BAHCC1: variants seen among roughly 807,000 people sequenced by gnomAD.
BAHCC1 encodes BAH domain and coiled-coil containing 1.
BAHCC1 carries 43 observed loss-of-function variants against 88.2 expected under a neutral mutation model. The observed-to-expected ratio is 0.49, with a 90% CI of 0.38 to 0.63. The LOEUF (loss-of-function observed/expected upper bound fraction) is 0.63. BAHCC1 is among the 20% of genes least tolerant of loss of function. BAHCC1 has a pLI of 0.00. For missense variants in BAHCC1, 3,023 were observed against 1,654.8 expected (o/e 1.83, Z -14.34); for synonymous variants, 1,510 against 745.5 (o/e 2.03, Z -16.71).
Position 81,445,032 on chromosome 17 carries a change from G to A in BAHCC1, c.2689G>A (p.Ala897Thr), listed in dbSNP as rs1032176005. The A allele has an allele frequency of 3.9e-6, 3 of 764,298 alleles. No homozygotes were observed. Among genetic ancestry groups the A allele is most frequent in the Non-Finnish European group, 7.3e-6 (3 of 412,854 alleles). The allele number at this position is 764,298 out of a possible 1,614,324, so 47.3% of individuals were successfully genotyped here. A position where few individuals can be genotyped will look rare whatever the true frequency, so the allele number is the denominator to read the frequency against. Reference sequence around the variant, plus strand: ...GCCCACAGCGGATGTCATGGACCAGGCGTCACTGTGGCCCCCCATGTACGG... The same window carrying A: ...GCCCACAGCGGATGTCATGGACCAGACGTCACTGTGGCCCCCCATGTACGG... ...PHALADVMDQ[A>T]SLWPPMYGGR... The change falls in exon 9 of 28, where the codon GCG becomes ACG. Residue 897 changes from alanine to threonine, a missense_variant. Coordinates refer to ENST00000675386, the MANE Select transcript of BAHCC1 (RefSeq NM_001377448.1).
At chr17:81,416,763 T>C (rs2064036996) in intron 2 of BAHCC1, among the ~76,000 whole-genome samples, 2 of 152,204 alleles carry the variant, frequency 1.3e-5, no homozygotes, top group African/African-American at 4.8e-5. Context: ...ATGGAGCCTG[T>C]GTCATTGACG....
intron 11 of BAHCC1, chr17:81,451,321 C>A (rs1487841496): frequency 4.0e-6 from 1 of 252,522 alleles, no homozygotes; most frequent in African/African-American, 2.3e-5. Flanking sequence ...CGAAGCAGGG[C>A]CCCCCCGGTG....
At chr17:81,440,928 G>C (rs1456409306) in intron 4 of BAHCC1, among the ~76,000 whole-genome samples, 1 of 152,220 alleles carries the variant, frequency 6.6e-6, no homozygotes, top group Admixed American at 6.5e-5. Context: ...CTTCCTCCGC[G>C]ACCCACCCGT....
chr17:81,442,454 C>T lies in BAHCC1; in HGVS notation c.1105C>T (p.Leu369=), dbSNP rs771421948. 2 of 714,214 alleles carry T rather than the reference C, an allele frequency of 2.8e-6. No homozygotes were observed. Among genetic ancestry groups the T allele is most frequent in the Non-Finnish European group, 5.2e-6 (2 of 385,286 alleles). 44.2% of individuals were successfully genotyped at this position (714,214 alleles called of 1,614,324 possible). The change falls in exon 5 of 28, where the codon CTG becomes TTG. Residue 369 remains leucine (L), a synonymous_variant. Transcript: ENST00000675386. ...CGCCGGCTCCTTCCCCTGCCTGCAG[C>T]TGCACGGGGGCCCTGACGGGCTCTG... ...TAAGSFPCLQ[L]HGGPDGLCPL... is the part of the protein sequence containing the mutation.
chr17:81,438,086 C>A (rs991549452), intron 3 of BAHCC1, among the ~76,000 whole-genome samples: 1 of 152,214 alleles, frequency 6.6e-6, no homozygotes, highest in Non-Finnish European at 1.5e-5. Context: ...GGAGCTTCCG[C>A]GATCCTGAGT....
At chr17:81,453,149 G>A (rs1008013574) in intron 14 of BAHCC1, among the ~76,000 whole-genome samples, 7 of 152,328 alleles carry the variant, frequency 4.6e-5, no homozygotes, top group Admixed American at 3.9e-4. Flanking sequence ...CTGTGGCATC[G>A]TCCCCGCCCG....
intron 2 of BAHCC1, chr17:81,415,418 G>A (rs1272167762): frequency 5.2e-6 from 2 of 383,730 alleles, no homozygotes; most frequent in East Asian, 8.5e-5. Context: ...AGTTTGGCAG[G>A]GGGCATACGT....
At chr17:81,459,724 A>G in intron 23 of BAHCC1, 120 bp downstream of exon 23, 1 of 486,016 alleles carries the variant, frequency 2.1e-6, no homozygotes, top group South Asian at 1.7e-5. Flanking sequence ...CTGCTTAGAC[A>G]GAGTACGACA....
intron 2 of BAHCC1, among the ~76,000 whole-genome samples, chr17:81,421,343 G>A (rs2064113594): frequency 6.6e-6 from 1 of 152,256 alleles, no homozygotes; most frequent in South Asian, 2.1e-4. Context: ...GGTCGGCGGG[G>A]GGGCTGGGGA....
intron 4 of BAHCC1, among the ~76,000 whole-genome samples, chr17:81,439,851 G>A (rs1192295512): frequency 1.3e-5 from 2 of 152,092 alleles, no homozygotes; most frequent in African/African-American, 4.8e-5. Flanking sequence ...TGTGAGCTGT[G>A]GGGTAGGGAC....
intron 3 of BAHCC1, among the ~76,000 whole-genome samples, chr17:81,430,788 C>T (rs2064251403): frequency 6.6e-6 from 1 of 152,134 alleles, no homozygotes. Context: ...TCGGTTTCCT[C>T]GGTGGCTAAA....
intron 5 of BAHCC1, 64 bp from the exon 6 acceptor site, chr17:81,443,745 G>A: frequency 2.9e-6 from 2 of 698,360 alleles, no homozygotes; most frequent in Non-Finnish European, 5.2e-6. Context: ...GTCACTGCTT[G>A]CCTTAGCTGG....
At position 81,435,614 on chromosome 17, in the gene BAHCC1, G is replaced by A. The variant is rs1290870062; in HGVS notation, c.359-2756G>A. On this transcript the variant is annotated intron_variant, in intron 3 of 27. Coordinates refer to ENST00000675386, the MANE Select transcript of BAHCC1 (RefSeq NM_001377448.1). This position sits in a 1 kb window ranked among gnomAD's most constrained non-coding sequence, Gnocchi z 4.4. ...AGGAGCTTGCAGTTGAGGACCTCTG[G>A]CTCTGGGTTCATATGGCCCCAGACC... 6.6e-6 allele frequency among the ~76,000 whole-genome samples: 1 copy of A among 152,156 alleles called. No individual in the cohort carries two copies. Among genetic ancestry groups the A allele is most frequent in the Non-Finnish European group, 1.5e-5 (1 of 68,016 alleles).
At position 81,435,508 on chromosome 17, in the gene BAHCC1, C is replaced by T. The variant is rs1047245315; in HGVS notation, c.359-2862C>T. ...CGGTTCGCTTAGCCCAGGGCTTGCC[C>T]TTGTCTGTTGGGGTGATCATAAAAG... is the stretch of plus-strand genomic sequence containing the variant. On this transcript the variant is annotated intron_variant, in intron 3 of 27. Transcript: ENST00000675386. This position sits in a 1 kb window ranked among gnomAD's most constrained non-coding sequence, Gnocchi z 4.4. 5 of 470,892 alleles carry T rather than the reference C, an allele frequency of 1.1e-5. No homozygotes were observed. The highest frequency in any genetic ancestry group is 2.2e-5 in the Non-Finnish European group (5 of 226,892). 29.2% of individuals were successfully genotyped at this position (470,892 alleles called of 1,614,324 possible). A position where few individuals can be genotyped will look rare whatever the true frequency, so the allele number is the denominator to read the frequency against.
chr17:81,463,898 G>C lies in BAHCC1; in HGVS notation c.*81G>C, dbSNP rs2030519856. On this transcript the variant is annotated 3_prime_UTR_variant, in exon 28 of 28. Transcript: ENST00000675386. ...GCGTCGGCCAAGCCACCGGGCAGGA[G>C]GCAGCCCCGGCCTCCCAAGGGCGCA... The C allele has an allele frequency of 1.5e-6, 1 of 684,988 alleles. No individual in the cohort carries two copies. 42.4% of individuals were successfully genotyped at this position (684,988 alleles called of 1,614,324 possible). A position where few individuals can be genotyped will look rare whatever the true frequency, so the allele number is the denominator to read the frequency against.
At chr17:81,431,095 G>T (rs976865496) in intron 3 of BAHCC1, among the ~76,000 whole-genome samples, 1 of 151,440 alleles carries the variant, frequency 6.6e-6, no homozygotes, top group Non-Finnish European at 1.5e-5. Context: ...CCCAGCGTGG[G>T]GGTGGAGGGG....
At chr17:81,409,360 T>C (rs1555647386) in intron 2 of BAHCC1, among the ~76,000 whole-genome samples, 1 of 152,178 alleles carries the variant, frequency 6.6e-6, no homozygotes, top group South Asian at 2.1e-4. Flanking sequence ...GTGGGGCTCC[T>C]GTCCCCCGAA....
At chr17:81,405,500 C>T (rs556751469) in intron 2 of BAHCC1, among the ~76,000 whole-genome samples, 2 of 152,254 alleles carry the variant, frequency 1.3e-5, no homozygotes, top group African/African-American at 2.4e-5. Flanking sequence ...ACTCAATCTG[C>T]CTCCCCCGCC....
In BAHCC1 at chr17:81,442,105, G is replaced by T; in HGVS notation, c.756G>T (p.Leu252=). ...ACGGTGGCAAGGAGCGGCACAAGCT[G>T]GTGCTGCCCGTGCCAGCCGACGGGC... The part of the protein sequence containing the change: ...EEDGGKERHK[L]VLPVPADGHC... Residue 252 remains leucine (L), a synonymous_variant, in exon 5 of 28, where the codon CTG becomes CTT. Coordinates refer to ENST00000675386, the MANE Select transcript of BAHCC1 (RefSeq NM_001377448.1). The T allele has an allele frequency of 1.4e-6, 1 of 698,204 alleles. No individual in the cohort carries two copies. Among genetic ancestry groups the T allele is most frequent in the Admixed American group, 2.2e-5 (1 of 45,384 alleles). 43.3% of individuals were successfully genotyped at this position (698,204 alleles called of 1,614,324 possible).
Sources: allele counts gnomAD v4.1 joint callset (sites outside exome capture counted in the v4.1 genomes callset), GRCh38; gene constraint gnomAD v4.1.1; non-coding constraint Gnocchi (gnomAD v3.1); transcripts MANE v1.5; gene names NCBI Gene and HGNC (gene_info 2026-07-23, HGNC 2026-07-21).